The following KCNB2 variants were observed in gnomAD, a reference collection of about 807,000 sequenced individuals.
KCNB2 encodes the protein potassium voltage-gated channel subfamily B member 2, also known as delayed rectifier potassium channel protein.
KCNB2 carries 15 observed loss-of-function variants against 61.5 expected under a neutral mutation model. That is an observed-to-expected ratio of 0.24 (90% CI 0.16 to 0.38). The LOEUF (loss-of-function observed/expected upper bound fraction) is 0.38. Ranked by LOEUF, KCNB2 falls within the 10% of genes least tolerant of loss-of-function variation. KCNB2 has a pLI of 1.00. For missense variants in KCNB2, 828 were observed against 1,125.2 expected (o/e 0.74, Z 3.78); for synonymous variants, 457 against 446.0 (o/e 1.02, Z -0.31).
chr8:72,669,431 CT>C (rs968403926), intron 2 of KCNB2, among the ~76,000 whole-genome samples: 8 of 152,048 alleles, frequency 5.3e-5, no homozygotes, highest in Non-Finnish European at 1.2e-4. Context: ...AAAAATGTAT[CT>C]TTTTTAGTTC....
intron 2 of KCNB2, among the ~76,000 whole-genome samples, chr8:72,865,532 G>A (rs1416048952): frequency 6.6e-6 from 1 of 152,132 alleles, no homozygotes; most frequent in Non-Finnish European, 1.5e-5. Flanking sequence ...ATTAACAATG[G>A]TGATGATAAT....
chr8:72,813,427 T>C lies in KCNB2; in HGVS notation c.580-122508T>C, dbSNP rs1809339314. Among the ~76,000 whole-genome samples, 11 of 152,092 alleles carry C rather than the reference T, an allele frequency of 7.2e-5. No homozygotes were observed. The South Asian group carries it at 2.3e-3, about 32-fold the overall frequency. On this transcript the variant is annotated intron_variant, in intron 2 of 2. Coordinates refer to ENST00000523207, the MANE Select transcript of KCNB2 (RefSeq NM_004770.3). ...TAAGTTTACACCCAAAAAAAATAAC[T>C]TACAGACATCTCCCGAAGATGATTT...
intron 2 of KCNB2, among the ~76,000 whole-genome samples, chr8:72,584,144 C>T (rs1310401628): frequency 2.0e-5 from 3 of 151,100 alleles, no homozygotes; most frequent in Non-Finnish European, 2.9e-5. Context: ...AGGAAAAGAA[C>T]ATTTAGACAA....
chr8:72,780,528 C>A (rs1384687293), intron 2 of KCNB2, among the ~76,000 whole-genome samples: 2 of 152,062 alleles, frequency 1.3e-5, no homozygotes, highest in Non-Finnish European at 1.5e-5. Flanking sequence ...TTAACAAATT[C>A]TTATTTTTTT....
intron 2 of KCNB2, among the ~76,000 whole-genome samples, chr8:72,872,388 C>T (rs1017066849): frequency 3.3e-5 from 5 of 152,248 alleles, no homozygotes; most frequent in Non-Finnish European, 5.9e-5. Context: ...TCTCATAAAC[C>T]GGCTTTCTTT....
intron 2 of KCNB2, among the ~76,000 whole-genome samples, chr8:72,920,864 A>G (rs1585976522): frequency 1.3e-5 from 2 of 152,136 alleles, no homozygotes; most frequent in African/African-American, 2.4e-5. Flanking sequence ...AGCAGTCAAT[A>G]AAAGATCAAA....
At chr8:72,721,703 C>G (rs1403989182) in intron 2 of KCNB2, among the ~76,000 whole-genome samples, 2 of 152,260 alleles carry the variant, frequency 1.3e-5, no homozygotes, top group East Asian at 3.9e-4. Context: ...TTAACAAATG[C>G]AGACATTGAG....
intron 2 of KCNB2, among the ~76,000 whole-genome samples, chr8:72,836,203 C>T (rs1389173400): frequency 6.6e-6 from 1 of 152,184 alleles, no homozygotes; most frequent in Non-Finnish European, 1.5e-5. Context: ...AGAGATGTTA[C>T]TCAAAGTGTT....
intron 2 of KCNB2, among the ~76,000 whole-genome samples, chr8:72,745,766 G>A (rs1322608317): frequency 6.6e-6 from 1 of 152,096 alleles, no homozygotes; most frequent in African/African-American, 2.4e-5. Flanking sequence ...AGATGGAGTT[G>A]ATATCACCTG....
At chr8:72,724,362 A>T (rs993396680) in intron 2 of KCNB2, among the ~76,000 whole-genome samples, 5 of 152,226 alleles carry the variant, frequency 3.3e-5, no homozygotes, top group Non-Finnish European at 7.3e-5. Context: ...GAGGACAAAG[A>T]ATGTATCACT....
chr8:72,812,215 C>T (rs962206148), intron 2 of KCNB2, among the ~76,000 whole-genome samples: 3 of 151,658 alleles, frequency 2.0e-5, no homozygotes, highest in Non-Finnish European at 2.9e-5. Flanking sequence ...TTACAGTGAG[C>T]AGAGATCGCA....
At chr8:72,648,254 T>C (rs1806161982) in intron 2 of KCNB2, among the ~76,000 whole-genome samples, 1 of 152,198 alleles carries the variant, frequency 6.6e-6, no homozygotes, top group Admixed American at 6.5e-5. Flanking sequence ...TAAGCTGTGC[T>C]TTAGGTCTTC....
intron 2 of KCNB2, among the ~76,000 whole-genome samples, chr8:72,792,303 T>C (rs1173312991): frequency 6.6e-6 from 1 of 152,184 alleles, no homozygotes. Context: ...ATTTTAAAAA[T>C]ATTTTTCCCC....
chr8:72,779,127 G>T (rs1808713197), intron 2 of KCNB2, among the ~76,000 whole-genome samples: 1 of 152,212 alleles, frequency 6.6e-6, no homozygotes, highest in Non-Finnish European at 1.5e-5. Flanking sequence ...TCACAGCTTA[G>T]TCTGTCACTT....
chr8:72,750,163 C>G (rs758177408), intron 2 of KCNB2: 1 of 152,122 alleles, frequency 6.6e-6, no homozygotes, highest in Non-Finnish European at 1.5e-5. Flanking sequence ...CTGTGACTTG[C>G]TTTCCTCCAT....
At chr8:72,745,171 C>T (rs1808037036) in intron 2 of KCNB2, among the ~76,000 whole-genome samples, 1 of 152,202 alleles carries the variant, frequency 6.6e-6, no homozygotes, top group Non-Finnish European at 1.5e-5. Context: ...AGAAACCTAA[C>T]AAGTAGAAAA....
chr8:72,821,825 TGGAG>T (rs1002561144), intron 2 of KCNB2, among the ~76,000 whole-genome samples: 1 of 151,884 alleles, frequency 6.6e-6, no homozygotes. Flanking sequence ...AAGGGAAGGA[TGGAG>T]GGAGGGAGGG....
chr8:72,935,378 C>T (rs938909409), intron 2 of KCNB2, among the ~76,000 whole-genome samples: 21 of 152,220 alleles, frequency 1.4e-4, no homozygotes, highest in Non-Finnish European at 2.9e-4. Flanking sequence ...CATCTGAGGA[C>T]AAAGGCCATA....
intron 2 of KCNB2, among the ~76,000 whole-genome samples, chr8:72,657,811 T>A (rs1806315608): frequency 6.6e-6 from 1 of 152,064 alleles, no homozygotes; most frequent in South Asian, 2.1e-4. Flanking sequence ...TAACCACTAA[T>A]AAAATTCACA....
Sources: allele counts gnomAD v4.1 joint callset (sites outside exome capture counted in the v4.1 genomes callset), GRCh38; gene constraint gnomAD v4.1.1; transcripts MANE v1.5; gene names NCBI Gene and HGNC (gene_info 2026-07-23, HGNC 2026-07-21).